Variants in WSCD2 observed in about 807,000 individuals in gnomAD.
WSCD2 encodes the protein WSC domain sialate O sulfotransferase 2, also known as sialate:O-sulfotransferase 2.
Under a neutral mutation model 55.7 loss-of-function variants are expected in WSCD2, and 28 were observed. The ratio of observed to expected loss-of-function variants is 0.50; its 90% CI spans 0.37 to 0.69. The LOEUF is 0.69. WSCD2 is among the 30% of genes least tolerant of loss of function. The pLI, the probability that WSCD2 is intolerant of heterozygous loss-of-function variation, is 0.00. For missense variants in WSCD2, 616 were observed against 762.1 expected (o/e 0.81, Z 2.26); for synonymous variants, 301 against 301.9 (o/e 1.00, Z 0.03).
chr12:108,155,936 A>T (rs1478293309), intron 1 of WSCD2, among the ~76,000 whole-genome samples: 1 of 152,208 alleles, frequency 6.6e-6, no homozygotes, highest in Non-Finnish European at 1.5e-5. Flanking sequence ...AGGAAGTGGC[A>T]TGTTGAGTTC....
intron 7 of WSCD2, 159 bp downstream of exon 7, chr12:108,233,054 C>CA (rs1888947462): frequency 1.1e-6 from 1 of 909,990 alleles, no homozygotes; most frequent in African/African-American, 1.7e-5. Context: ...GGTACCCCCC[C>CA]ACCTTCCTTT....
At chr12:108,155,371 C>T (rs534292930) in intron 1 of WSCD2, among the ~76,000 whole-genome samples, 13 of 152,266 alleles carry the variant, frequency 8.5e-5, no homozygotes, top group South Asian at 8.3e-4. Context: ...AATCAGGGCT[C>T]TCAGCAGGGA....
chr12:108,215,435 C>G (rs377707159), intron 4 of WSCD2, among the ~76,000 whole-genome samples: 1 of 152,170 alleles, frequency 6.6e-6, no homozygotes, highest in African/African-American at 2.4e-5. Flanking sequence ...TAGAAAGCAC[C>G]TAGCACAGTG....
At chr12:108,184,027 T>G (rs1409125344) in intron 1 of WSCD2, among the ~76,000 whole-genome samples, 1 of 152,114 alleles carries the variant, frequency 6.6e-6, no homozygotes, top group African/African-American at 2.4e-5. Context: ...CTCAGGAGGG[T>G]GCCAAGGCTG....
intron 1 of WSCD2, among the ~76,000 whole-genome samples, chr12:108,187,141 T>A (rs1447485869): frequency 6.6e-6 from 1 of 152,202 alleles, no homozygotes; most frequent in Non-Finnish European, 1.5e-5. Flanking sequence ...TTGACCAGTT[T>A]TAGATCTGAG....
At chr12:108,226,226 C>T (rs1326880128) in intron 5 of WSCD2, among the ~76,000 whole-genome samples, 1 of 152,090 alleles carries the variant, frequency 6.6e-6, no homozygotes, top group East Asian at 1.9e-4. Flanking sequence ...GTGGTGGGTC[C>T]AGTTTAGAAG....
intron 1 of WSCD2, among the ~76,000 whole-genome samples, chr12:108,156,566 C>T (rs1878530539): frequency 6.6e-6 from 1 of 152,132 alleles, no homozygotes; most frequent in Admixed American, 6.5e-5. Flanking sequence ...GGAGCCAGCA[C>T]ATTAAAAAAT....
intron 8 of WSCD2, chr12:108,244,645 C>A: frequency 2.9e-6 from 2 of 699,932 alleles, no homozygotes; most frequent in South Asian, 3.0e-5. Flanking sequence ...CGAGTAATGT[C>A]TCCAAAGTCA....
Position 108,248,389 on chromosome 12 carries a change from G to C in WSCD2, c.*46G>C. The C allele has an allele frequency of 6.4e-7, 1 of 1,570,792 alleles. No homozygotes were observed. The highest frequency in any genetic ancestry group is 1.3e-5 in the African/African-American group (1 of 74,146). ...GTAGACTGGGAGTCCTGACCACGCA[G>C]GCCCTGGGGACTCAAGACCCCTGGT... On this transcript the variant is annotated 3_prime_UTR_variant, in exon 9 of 9. Coordinates refer to ENST00000547525, the MANE Select transcript of WSCD2 (RefSeq NM_014653.4). This position sits in a 1 kb window ranked among gnomAD's most constrained non-coding sequence, Gnocchi z 4.3.
chr12:108,166,761 T>TTTTTCTTTCTTTCTTTC lies in WSCD2; in HGVS notation c.-551-28518_-551-28517insTCTTTCTTTCTTTCTTT, dbSNP rs1555225181. ...CTTTCTTTCCTTCTTTCTTTCTTTCTTTTCTTTCTTTCTTTCTTTCTTTCT... is the reference window on the plus strand; with the variant it reads ...CTTTCTTTCCTTCTTTCTTTCTTTCTTTTTCTTTCTTTCTTTCTTTCTTTCTTTCTTTCTTTCTTTCT... On this transcript the variant is annotated intron_variant, in intron 1 of 8. Coordinates refer to ENST00000547525, the MANE Select transcript of WSCD2 (RefSeq NM_014653.4). Among the ~76,000 whole-genome samples the TTTTTCTTTCTTTCTTTC allele has an allele frequency of 1.0e-3, 131 of 124,884 alleles. 2 individuals carry two copies. The highest frequency in any genetic ancestry group is 3.6e-3 in the African/African-American group (118 of 32,692). 81.9% of individuals were successfully genotyped at this position (124,884 alleles called of 152,430 possible). A position where few individuals can be genotyped will look rare whatever the true frequency, so the allele number is the denominator to read the frequency against.
intron 7 of WSCD2, among the ~76,000 whole-genome samples, chr12:108,236,410 T>A (rs895900658): frequency 2.3e-4 from 35 of 152,318 alleles, no homozygotes; most frequent in African/African-American, 8.4e-4. Context: ...AGGGAATTAA[T>A]GAGTGAATGA....
chr12:108,142,601 T>G (rs905108790), intron 1 of WSCD2, among the ~76,000 whole-genome samples: 2 of 152,244 alleles, frequency 1.3e-5, no homozygotes, highest in African/African-American at 2.4e-5. Context: ...TGCATTCATC[T>G]GGATTCTGTT....
intron 2 of WSCD2, among the ~76,000 whole-genome samples, chr12:108,202,869 A>G (rs1884879389): frequency 6.6e-6 from 1 of 152,208 alleles, no homozygotes; most frequent in African/African-American, 2.4e-5. Context: ...TTAAAAAGAA[A>G]TAACTAAAAG....
chr12:108,194,795 C>A (rs956204571), intron 1 of WSCD2, among the ~76,000 whole-genome samples: 4 of 152,136 alleles, frequency 2.6e-5, no homozygotes, highest in African/African-American at 9.7e-5. Context: ...TAATTTCCAG[C>A]ACCTAGGACA....
At chr12:108,175,488 G>A (rs1391892208) in intron 1 of WSCD2, among the ~76,000 whole-genome samples, 1 of 152,248 alleles carries the variant, frequency 6.6e-6, no homozygotes, top group Non-Finnish European at 1.5e-5. Flanking sequence ...TGAGGCAAAT[G>A]TAAAAACAAA....
intron 4 of WSCD2, among the ~76,000 whole-genome samples, chr12:108,216,165 T>G (rs577602105): frequency 6.6e-6 from 1 of 152,144 alleles, no homozygotes; most frequent in Non-Finnish European, 1.5e-5. Context: ...TCAAACAAGA[T>G]TGGGGTCAAA....
chr12:108,243,786 C>T (rs1889917038), intron 8 of WSCD2, among the ~76,000 whole-genome samples: 1 of 152,130 alleles, frequency 6.6e-6, no homozygotes. Context: ...TTTGGATGCC[C>T]TCGGTGACAG....
intron 1 of WSCD2, among the ~76,000 whole-genome samples, chr12:108,135,523 TCTC>T (rs1242123750): frequency 1.3e-5 from 2 of 152,218 alleles, no homozygotes; most frequent in African/African-American, 4.8e-5. Flanking sequence ...TCCTATTCTT[TCTC>T]CTCCTCCTCC....
chr12:108,174,307 T>C (rs1232932935), intron 1 of WSCD2, among the ~76,000 whole-genome samples: 4 of 152,194 alleles, frequency 2.6e-5, no homozygotes, highest in Non-Finnish European at 5.9e-5. Context: ...TAGAGTATTA[T>C]AATTAAGAGA....
Sources: gnomAD v4.1 joint callset for allele counts (sites outside exome capture counted in the v4.1 genomes callset) on GRCh38, gnomAD v4.1.1 for gene constraint, Gnocchi (gnomAD v3.1) non-coding constraint, MANE v1.5 for transcripts, NCBI Gene and HGNC (gene_info 2026-07-23, HGNC 2026-07-21) for gene names.